The following GULP1 variants were observed in gnomAD, a reference collection of about 807,000 sequenced individuals.
GULP1 encodes GULP PTB domain containing engulfment adaptor 1.
Under a neutral mutation model 40.9 loss-of-function variants are expected in GULP1, and 19 were observed. The observed-to-expected ratio is 0.46, with a 90% CI of 0.32 to 0.68. The LOEUF is 0.68. Ranked by LOEUF, GULP1 falls within the 30% of genes least tolerant of loss-of-function variation. GULP1 has a pLI of 0.03. For missense variants in GULP1, 312 were observed against 362.2 expected (o/e 0.86, Z 1.12); for synonymous variants, 119 against 117.6 (o/e 1.01, Z -0.08).
At chr2:188,546,068 C>G (rs112702707) in intron 7 of GULP1, among the ~76,000 whole-genome samples, 2 of 151,818 alleles carry the variant, frequency 1.3e-5, no homozygotes, top group Non-Finnish European at 2.9e-5. Context: ...AAAAATAGAG[C>G]TGCAAAATGA....
chr2:188,493,852 T>C (rs763072089), intron 4 of GULP1, among the ~76,000 whole-genome samples: 3 of 152,052 alleles, frequency 2.0e-5, no homozygotes, highest in African/African-American at 7.2e-5. Flanking sequence ...TCAGTTTTCA[T>C]TGGGTTGCGT....
At chr2:188,327,013 A>G (rs2040851356) in intron 1 of GULP1, among the ~76,000 whole-genome samples, 1 of 152,168 alleles carries the variant, frequency 6.6e-6, no homozygotes, top group Admixed American at 6.6e-5. Flanking sequence ...GCTGAACTCT[A>G]TTCTCTGTGT....
chr2:188,510,752 A>T (rs1437526509), intron 4 of GULP1, among the ~76,000 whole-genome samples: 1 of 151,942 alleles, frequency 6.6e-6, no homozygotes, highest in Admixed American at 6.6e-5. Flanking sequence ...CAAATAAATT[A>T]AATTACAGTG....
intron 3 of GULP1, among the ~76,000 whole-genome samples, chr2:188,482,246 A>C (rs571432656): frequency 2.3e-4 from 35 of 151,974 alleles, no homozygotes; most frequent in Non-Finnish European, 4.1e-4. Flanking sequence ...ACATTCCAAA[A>C]ATATGTGTCA....
At chr2:188,434,426 A>G (rs968853082) in intron 2 of GULP1, among the ~76,000 whole-genome samples, 3 of 151,426 alleles carry the variant, frequency 2.0e-5, no homozygotes, top group African/African-American at 7.3e-5. Context: ...CATACTCTTG[A>G]TATGTACATG....
chr2:188,478,353 A>G (rs2061193655), intron 3 of GULP1, among the ~76,000 whole-genome samples: 1 of 152,116 alleles, frequency 6.6e-6, no homozygotes, highest in Non-Finnish European at 1.5e-5. Flanking sequence ...ATGCACTTAT[A>G]AAGAAAGATA....
intron 1 of GULP1, among the ~76,000 whole-genome samples, chr2:188,315,292 G>A (rs1394000014): frequency 7.9e-5 from 12 of 152,040 alleles, no homozygotes; most frequent in Admixed American, 7.9e-4. Context: ...ATTAGTTATT[G>A]TTAATCTCTT....
chr2:188,580,332 T>A (rs1576265725), intron 9 of GULP1, among the ~76,000 whole-genome samples: 1 of 152,036 alleles, frequency 6.6e-6, no homozygotes, highest in Non-Finnish European at 1.5e-5. Context: ...GGCGGGCGGA[T>A]CACGAGGTCA....
intron 5 of GULP1, among the ~76,000 whole-genome samples, chr2:188,528,765 C>T (rs2153233026): frequency 6.6e-6 from 1 of 152,228 alleles, no homozygotes; most frequent in African/African-American, 2.4e-5. Context: ...ACAAAAGATT[C>T]ACAGAAAAAC....
At position 188,497,746 on chromosome 2, in the gene GULP1, C is replaced by A. The variant is rs138410171; in HGVS notation, c.90+14254C>A. Reference sequence around the variant, plus strand: ...ACAGAGATTACACAAAGCTGATAGTCGAAAGAACAGACAGACCCTTTGGAT... The same window carrying A: ...ACAGAGATTACACAAAGCTGATAGTAGAAAGAACAGACAGACCCTTTGGAT... On this transcript the variant is annotated intron_variant, in intron 4 of 11. Transcript: ENST00000409830. Among the ~76,000 whole-genome samples, 411 of 151,884 alleles carry A rather than the reference C, an allele frequency of 2.7e-3. 2 individuals carry two copies. The highest frequency in any genetic ancestry group is 9.2e-3 in the African/African-American group (380 of 41,462).
intron 9 of GULP1, among the ~76,000 whole-genome samples, chr2:188,580,621 G>C (rs980588539): frequency 6.6e-6 from 1 of 151,652 alleles, no homozygotes; most frequent in African/African-American, 2.4e-5. Context: ...CATATTAATA[G>C]AGTGATTAAT....
chr2:188,405,410 C>A (rs2052934116), intron 2 of GULP1, among the ~76,000 whole-genome samples: 1 of 152,186 alleles, frequency 6.6e-6, no homozygotes, highest in African/African-American at 2.4e-5. Flanking sequence ...TGCTCCAGCA[C>A]ACCCAAGCTC....
intron 1 of GULP1, among the ~76,000 whole-genome samples, chr2:188,361,067 C>A (rs977068709): frequency 6.6e-6 from 1 of 152,046 alleles, no homozygotes; most frequent in Non-Finnish European, 1.5e-5. Flanking sequence ...GCGCAGATGA[C>A]AAAGATAGCT....
chr2:188,485,033 A>G (rs936244390), intron 4 of GULP1, among the ~76,000 whole-genome samples: 2 of 152,082 alleles, frequency 1.3e-5, no homozygotes, highest in African/African-American at 2.4e-5. Context: ...ACTATATGAA[A>G]TCTATACTGA....
intron 1 of GULP1, among the ~76,000 whole-genome samples, chr2:188,307,401 T>G (rs2037282446): frequency 6.6e-6 from 1 of 151,994 alleles, no homozygotes; most frequent in Non-Finnish European, 1.5e-5. Flanking sequence ...TTTAAAAATA[T>G]TGTGTAATTT....
chr2:188,318,401 G>A (rs943093777), intron 1 of GULP1, among the ~76,000 whole-genome samples: 2 of 152,234 alleles, frequency 1.3e-5, no homozygotes, highest in Admixed American at 1.3e-4. Context: ...TAACAAAAAT[G>A]TCAATAAAAT....
intron 7 of GULP1, among the ~76,000 whole-genome samples, chr2:188,567,334 A>G (rs942869909): frequency 1.3e-5 from 2 of 152,206 alleles, no homozygotes; most frequent in African/African-American, 4.8e-5. Context: ...ATGCACGCGT[A>G]TGTTTATTGC....
intron 7 of GULP1, among the ~76,000 whole-genome samples, chr2:188,550,050 T>C (rs140266866): frequency 0.011 from 1,671 of 151,850 alleles, 13 homozygotes; most frequent in Non-Finnish European, 0.015. Context: ...CTGATTGCAA[T>C]TGGTACTATA....
intron 1 of GULP1, among the ~76,000 whole-genome samples, chr2:188,317,695 G>T (rs1261201612): frequency 2.0e-5 from 3 of 151,826 alleles, no homozygotes; most frequent in Non-Finnish European, 4.4e-5. Context: ...GGAGGACATA[G>T]ATTTTATTTA....
Sources: allele counts gnomAD v4.1 joint callset (sites outside exome capture counted in the v4.1 genomes callset), GRCh38; gene constraint gnomAD v4.1.1; transcripts MANE v1.5; gene names NCBI Gene and HGNC (gene_info 2026-07-23, HGNC 2026-07-21).